GCNT1: variants seen among roughly 807,000 people sequenced by gnomAD.
GCNT1 encodes the protein beta-1,3-galactosyl-O-glycosyl-glycoprotein beta-1,6-N-acetylglucosaminyltransferase.
GCNT1 carries 16 observed loss-of-function variants against 26.2 expected under a neutral mutation model. The ratio of observed to expected loss-of-function variants is 0.61; its 90% CI spans 0.41 to 0.93. The LOEUF is 0.93. Ranked by LOEUF, GCNT1 falls within the 40% of genes least tolerant of loss-of-function variation. The pLI is 0.00. For missense variants in GCNT1, 477 were observed against 526.7 expected (o/e 0.91, Z 0.92); for synonymous variants, 183 against 190.8 (o/e 0.96, Z 0.34).
intron 1 of GCNT1, among the ~76,000 whole-genome samples, chr9:76,446,794 G>A (rs1823584284): frequency 2.0e-5 from 3 of 152,124 alleles, no homozygotes; most frequent in African/African-American, 7.2e-5. Context: ...GCAAAGTAAA[G>A]AACATATATG....
intron 1 of GCNT1, among the ~76,000 whole-genome samples, chr9:76,422,617 C>G (rs929863453): frequency 1.3e-5 from 2 of 152,074 alleles, no homozygotes; most frequent in Admixed American, 6.5e-5. Flanking sequence ...GATTATGGCT[C>G]ACTGCACTCA....
At chr9:76,490,177 C>T (rs1216259261) in intron 2 of GCNT1, among the ~76,000 whole-genome samples, 1 of 151,998 alleles carries the variant, frequency 6.6e-6, no homozygotes, top group Non-Finnish European at 1.5e-5. Context: ...CTCGTACTAT[C>T]CCTGACTGGT....
intron 2 of GCNT1, among the ~76,000 whole-genome samples, chr9:76,494,695 A>G (rs897499419): frequency 3.9e-5 from 6 of 152,196 alleles, no homozygotes; most frequent in Non-Finnish European, 7.3e-5. Flanking sequence ...TGGTTTTTAT[A>G]ATAGGGACTA....
At chr9:76,399,127 T>C in the GCNT1 span, 7 of 1,537,110 alleles carry the variant, frequency 4.6e-6, no homozygotes, top group Non-Finnish European at 6.2e-6. Flanking sequence ...TTAACCTACC[T>C]ACCATTGCTC....
chr9:76,407,154 AT>A, the GCNT1 span, among the ~76,000 whole-genome samples: 1,361 of 148,054 alleles, frequency 9.2e-3, 18 homozygotes, highest in African/African-American at 0.026. Context: ...TTTTGAGTTA[AT>A]TTTTTTTTTT....
chr9:76,443,969 G>A (rs965567239), intron 1 of GCNT1, among the ~76,000 whole-genome samples: 1 of 79,966 alleles, frequency 1.3e-5, no homozygotes, highest in Admixed American at 1.1e-4. Context: ...AAGGAAGGAA[G>A]GAAGGAAGGA....
At chr9:76,484,934 T>G (rs641514) in intron 2 of GCNT1, among the ~76,000 whole-genome samples, 145,679 of 151,924 alleles carry the variant, frequency 0.96, 69,881 homozygotes, top group East Asian at 1. Flanking sequence ...GACTACAGAC[T>G]CGTGCCACCA....
chr9:76,468,557 G>A (rs548357570), intron 2 of GCNT1, among the ~76,000 whole-genome samples: 5 of 152,286 alleles, frequency 3.3e-5, no homozygotes, highest in South Asian at 2.1e-4. Flanking sequence ...AAGCTTTGTC[G>A]TCCTTTGCCA....
intron 1 of GCNT1, among the ~76,000 whole-genome samples, chr9:76,452,698 AG>A (rs1261375789): frequency 6.6e-6 from 1 of 152,174 alleles, no homozygotes; most frequent in Middle Eastern, 3.2e-3. Flanking sequence ...CTAAACCATT[AG>A]AAACCGCCTC....
intron 2 of GCNT1, among the ~76,000 whole-genome samples, chr9:76,473,362 T>A (rs1317366984): frequency 6.6e-6 from 1 of 152,202 alleles, no homozygotes; most frequent in African/African-American, 2.4e-5. Flanking sequence ...GTATAATAGA[T>A]TCTCAGTATA....
Position 76,503,359 on chromosome 9 carries a change from C to G in GCNT1, c.978C>G (p.Ile326Met). 1.2e-6 allele frequency: 2 copies of G among 1,614,146 alleles called. No individual in the cohort carries two copies. The highest frequency in any genetic ancestry group is 1.1e-5 in the South Asian group (1 of 91,082). Residue 326 changes from isoleucine to methionine, a missense_variant, in exon 4 of 4, where the codon ATC becomes ATG. Coordinates refer to ENST00000376730, the MANE Select transcript of GCNT1 (RefSeq NM_001490.5). ...CTGATGAGTATCTCTGGGCCACCAT[C>G]CAAAGGATTCCTGAAGTCCCGGGCT... ...YSPDEYLWAT[I>M]QRIPEVPGSL... is the part of the protein sequence containing the mutation.
chr9:76,393,879 T>C, the GCNT1 span: 3 of 553,934 alleles, frequency 5.4e-6, no homozygotes, highest in Non-Finnish European at 9.5e-6. Context: ...CTCAACCCCG[T>C]CCCCGCGGAG....
At chr9:76,490,059 G>A (rs748931664) in intron 2 of GCNT1, among the ~76,000 whole-genome samples, 20 of 152,222 alleles carry the variant, frequency 1.3e-4, no homozygotes, top group Non-Finnish European at 2.5e-4. Flanking sequence ...GCTGTCATGG[G>A]ACCTAGAAAG....
intron 2 of GCNT1, among the ~76,000 whole-genome samples, chr9:76,489,891 T>C (rs503222): frequency 0.6 from 91,606 of 152,030 alleles, 28,216 homozygotes; most frequent in African/African-American, 0.72. Context: ...AAAAGGCCAG[T>C]GGGTCAGTCC....
At chr9:76,449,549 C>T (rs979985763) in intron 1 of GCNT1, among the ~76,000 whole-genome samples, 19 of 152,118 alleles carry the variant, frequency 1.2e-4, no homozygotes, top group Admixed American at 2.6e-4. Flanking sequence ...ATCTGCATAA[C>T]ACACCTCACT....
chr9:76,397,222 C>G, the GCNT1 span, among the ~76,000 whole-genome samples: 39 of 151,966 alleles, frequency 2.6e-4, no homozygotes, highest in African/African-American at 8.9e-4. Context: ...GCGGAGGTTG[C>G]TATGAGCCGA....
intron 2 of GCNT1, among the ~76,000 whole-genome samples, chr9:76,488,677 G>T (rs1824647800): frequency 6.6e-6 from 1 of 152,140 alleles, no homozygotes; most frequent in African/African-American, 2.4e-5. Flanking sequence ...TAGAAACAGG[G>T]TTTCATCATG....
chr9:76,461,505 C>T (rs1823869380), intron 2 of GCNT1, among the ~76,000 whole-genome samples: 1 of 151,626 alleles, frequency 6.6e-6, no homozygotes, highest in Non-Finnish European at 1.5e-5. Context: ...ATTGCTTGAA[C>T]CCGGGAGGCG....
chr9:76,494,857 G>A (rs770839809), intron 2 of GCNT1, among the ~76,000 whole-genome samples: 7 of 152,128 alleles, frequency 4.6e-5, no homozygotes, highest in Non-Finnish European at 8.8e-5. Context: ...CCAACTTTCT[G>A]TCAGGACCCC....
Sources: allele counts gnomAD v4.1 joint callset (sites outside exome capture counted in the v4.1 genomes callset), GRCh38; gene constraint gnomAD v4.1.1; transcripts MANE v1.5; gene names NCBI Gene and HGNC (gene_info 2026-07-23, HGNC 2026-07-21).